ERBB4: variants seen among roughly 807,000 people sequenced by gnomAD.
ERBB4 encodes erb-b2 receptor tyrosine kinase 4, also known as receptor tyrosine-protein kinase erbB-4.
ERBB4 carries 42 observed loss-of-function variants against 158.0 expected under a neutral mutation model. The observed-to-expected ratio is 0.27, with a 90% CI of 0.21 to 0.34. The LOEUF is 0.34. Ranked by LOEUF, ERBB4 falls within the 10% of genes least tolerant of loss-of-function variation. ERBB4 has a pLI of 1.00. For missense variants in ERBB4, 1,333 were observed against 1,624.1 expected, an observed-to-expected ratio of 0.82 and a Z score of 3.08; for synonymous variants, 583 against 558.7, an observed-to-expected ratio of 1.04 and a Z score of -0.61.
At chr2:212,526,837 G>A (rs937065442) in intron 1 of ERBB4, among the ~76,000 whole-genome samples, 1 of 152,036 alleles carries the variant, frequency 6.6e-6, no homozygotes, top group African/African-American at 2.4e-5. Flanking sequence ...ATATTTATGG[G>A]TGTTAGCGCA....
intron 1 of ERBB4, among the ~76,000 whole-genome samples, chr2:212,483,255 G>A (rs1689800166): frequency 6.6e-6 from 1 of 152,128 alleles, no homozygotes; most frequent in Non-Finnish European, 1.5e-5. Context: ...AATTTTTGCA[G>A]GAGGAAAATT....
At chr2:211,555,813 C>G (rs1176286606) in intron 20 of ERBB4, among the ~76,000 whole-genome samples, 2 of 152,078 alleles carry the variant, frequency 1.3e-5, no homozygotes, top group East Asian at 1.9e-4. Context: ...TACAAGAGCT[C>G]CTGAAGGAGG....
At position 211,929,656 on chromosome 2, in the gene ERBB4, A is replaced by G. The variant is rs1439799749; in HGVS notation, c.421+17774T>C. Among the ~76,000 whole-genome samples, 5 of 152,326 alleles carry G rather than the reference A, an allele frequency of 3.3e-5. No homozygotes were observed. In the East Asian group the frequency reaches 7.7e-4, roughly 23 times the overall value. Reference sequence around the variant, plus strand: ...TCTGTAAAATTAATTTTATATAAAAATAAATTATTGGGAGCCAAATATCGT... The same window carrying G: ...TCTGTAAAATTAATTTTATATAAAAGTAAATTATTGGGAGCCAAATATCGT... On this transcript the variant is annotated intron_variant, in intron 3 of 27. Coordinates refer to ENST00000342788, the MANE Select transcript of ERBB4 (RefSeq NM_005235.3).
intron 1 of ERBB4, among the ~76,000 whole-genome samples, chr2:212,204,147 T>G (rs2082666782): frequency 6.6e-6 from 1 of 152,220 alleles, no homozygotes; most frequent in African/African-American, 2.4e-5. Flanking sequence ...AGTCACTGAT[T>G]TGATTTTTTA....
intron 1 of ERBB4, among the ~76,000 whole-genome samples, chr2:212,126,845 G>A (rs2125576449): frequency 6.6e-6 from 1 of 152,146 alleles, no homozygotes; most frequent in South Asian, 2.1e-4. Flanking sequence ...CATCTAGATG[G>A]GTATAGCCTA....
chr2:211,607,887 T>TC (rs1475205422), intron 19 of ERBB4, among the ~76,000 whole-genome samples: 8 of 116,924 alleles, frequency 6.8e-5, no homozygotes, highest in African/African-American at 2.3e-4. Context: ...TTTTTTTTTT[T>TC]TAGACAGGGT....
At chr2:212,176,139 A>T (rs2081655000) in intron 1 of ERBB4, among the ~76,000 whole-genome samples, 1 of 152,002 alleles carries the variant, frequency 6.6e-6, no homozygotes, top group Non-Finnish European at 1.5e-5. Context: ...GTCTTTGATT[A>T]TAGCTCTAAC....
At chr2:211,864,729 T>C (rs1028638813) in intron 3 of ERBB4, among the ~76,000 whole-genome samples, 7 of 151,936 alleles carry the variant, frequency 4.6e-5, no homozygotes, top group Non-Finnish European at 7.4e-5. Context: ...ACTTTGGGAG[T>C]TCCAGGCGGG....
At chr2:212,061,725 CTTTTT>C (rs1209003130) in intron 2 of ERBB4, among the ~76,000 whole-genome samples, 91 of 149,524 alleles carry the variant, frequency 6.1e-4, no homozygotes, top group African/African-American at 2.0e-3. Context: ...CTTTCTTTTC[CTTTTT>C]TCTTTTCTTT....
At chr2:211,799,656 CT>C (rs1159687320) in intron 3 of ERBB4, among the ~76,000 whole-genome samples, 1 of 152,060 alleles carries the variant, frequency 6.6e-6, no homozygotes, top group Non-Finnish European at 1.5e-5. Context: ...GTTCTCTTCT[CT>C]ATAAAATGGT....
chr2:212,355,628 CT>C (rs1457143921), intron 1 of ERBB4, among the ~76,000 whole-genome samples: 4 of 151,974 alleles, frequency 2.6e-5, no homozygotes, highest in Non-Finnish European at 4.4e-5. Flanking sequence ...ATTTTAAAAC[CT>C]TGCATATCAT....
At chr2:211,597,970 G>T (rs570772286) in intron 19 of ERBB4, among the ~76,000 whole-genome samples, 322 of 152,154 alleles carry the variant, frequency 2.1e-3, no homozygotes, top group African/African-American at 7.6e-3. Context: ...ACAGGCAAAA[G>T]AATAATTCAG....
chr2:211,792,634 C>A (rs2076300423), intron 3 of ERBB4, among the ~76,000 whole-genome samples: 1 of 151,836 alleles, frequency 6.6e-6, no homozygotes, highest in South Asian at 2.1e-4. Flanking sequence ...GCATATGCTA[C>A]AGAGAAGCCT....
At position 211,712,052 on chromosome 2, in the gene ERBB4, A is replaced by C. The variant is rs76603692; in HGVS notation, c.1122T>G (p.His374Gln). The C allele has an allele frequency of 2.0e-3, 3,273 of 1,611,518 alleles. 19 individuals are homozygous for C. Among genetic ancestry groups the C allele is most frequent in the Middle Eastern group, 9.6e-3 (58 of 6,048 alleles). The change falls in exon 9 of 28, where the codon CAT (histidine) becomes CAG (glutamine). Residue 374 changes from histidine to glutamine, a missense_variant and splice_region_variant. Around this residue, in one of 5 missense-constraint regions of ERBB4, gnomAD observed 438 missense variants for 586.9 expected, o/e 0.75. Coordinates refer to ENST00000342788, the MANE Select transcript of ERBB4 (RefSeq NM_005235.3). ...TTGCACAAAAATTTAATACTGACCC[A>C]TGAATACCAGTGACTAGAAAGATCA... ...GNLIFLVTGI[H>Q]GDPYNAIEAI...
chr2:211,642,064 T>C (rs931349781), intron 16 of ERBB4, among the ~76,000 whole-genome samples: 1 of 152,132 alleles, frequency 6.6e-6, no homozygotes, highest in Non-Finnish European at 1.5e-5. Flanking sequence ...ATTCTTCCAC[T>C]TGATGTGACT....
chr2:211,841,304 T>C (rs7589350), intron 3 of ERBB4, among the ~76,000 whole-genome samples: 32,945 of 151,974 alleles, frequency 0.22, 3,691 homozygotes, highest in South Asian at 0.31. Context: ...GCTATTTTGA[T>C]ACTAACAGCT....
chr2:212,519,491 G>A (rs1192261394), intron 1 of ERBB4, among the ~76,000 whole-genome samples: 1 of 151,672 alleles, frequency 6.6e-6, no homozygotes, highest in African/African-American at 2.4e-5. Flanking sequence ...TAAAATGGCT[G>A]TTAGTCATGA....
intron 1 of ERBB4, among the ~76,000 whole-genome samples, chr2:212,299,672 G>A (rs1574630973): frequency 6.6e-6 from 1 of 151,542 alleles, no homozygotes; most frequent in African/African-American, 2.4e-5. Context: ...TGCCAGCATG[G>A]TATCACCATC....
intron 3 of ERBB4, among the ~76,000 whole-genome samples, chr2:211,862,910 T>C (rs993870266): frequency 6.6e-6 from 1 of 152,126 alleles, no homozygotes; most frequent in East Asian, 1.9e-4. Context: ...CAGCGCTCTG[T>C]GTCTAACTAA....
Sources: allele counts gnomAD v4.1 joint callset (sites outside exome capture counted in the v4.1 genomes callset), GRCh38; gene constraint gnomAD v4.1.1; regional missense constraint gnomAD v4.1.1; transcripts MANE v1.5; gene names NCBI Gene and HGNC (gene_info 2026-07-23, HGNC 2026-07-21).